COBL: variants seen among roughly 807,000 people sequenced by gnomAD.
COBL encodes the protein cordon-bleu WH2 repeat protein.
Under a neutral mutation model 98.8 loss-of-function variants are expected in COBL, and 51 were observed. That is an observed-to-expected ratio of 0.52 (90% CI 0.41 to 0.65). The LOEUF (loss-of-function observed/expected upper bound fraction) is 0.65, where lower values mean the gene tolerates loss of function less well. Among genes scored for constraint, COBL ranks in the 30% least tolerant of loss-of-function variants. The pLI, the probability that COBL is intolerant of heterozygous loss-of-function variation, is 0.00. For synonymous variants in COBL, 634 were observed against 651.7 expected (o/e 0.97, Z 0.41); for missense variants, 1,617 against 1,617.5 (o/e 1.00, Z 0.01).
At chr7:51,214,968 C>T (rs1015822549) in intron 2 of COBL, among the ~76,000 whole-genome samples, 4 of 152,132 alleles carry the variant, frequency 2.6e-5, no homozygotes, top group African/African-American at 9.7e-5. Context: ...ATATTGAATG[C>T]CCTGCTTCTC....
At chr7:51,133,227 G>A (rs1452748137) in intron 6 of COBL, among the ~76,000 whole-genome samples, 12 of 152,120 alleles carry the variant, frequency 7.9e-5, no homozygotes, top group Non-Finnish European at 1.2e-4. Context: ...CCCAGATGAG[G>A]GTTCCCTGGG....
intron 2 of COBL, among the ~76,000 whole-genome samples, chr7:51,208,539 C>T (rs1404450454): frequency 5.9e-5 from 9 of 152,230 alleles, no homozygotes; most frequent in African/African-American, 1.7e-4. Flanking sequence ...CTCTGCCCGG[C>T]CACCACCCCA....
intron 5 of COBL, among the ~76,000 whole-genome samples, chr7:51,164,950 T>G (rs1787152535): frequency 6.6e-6 from 1 of 152,056 alleles, no homozygotes; most frequent in South Asian, 2.1e-4. Context: ...AAATAGTATT[T>G]GCAAGCCTCA....
intron 1 of COBL, 31 bp from the exon 2 acceptor site, chr7:51,219,975 C>A: frequency 6.3e-7 from 1 of 1,591,396 alleles, no homozygotes; most frequent in South Asian, 1.1e-5. Context: ...GGCACAGAGT[C>A]AGTGGCAATG....
At chr7:51,064,899 G>C in intron 7 of COBL, 1 of 515,496 alleles carries the variant, frequency 1.9e-6, no homozygotes, top group Non-Finnish European at 3.4e-6. Context: ...CCAGGGCCCT[G>C]CTGCCTGGAA....
chr7:51,134,697 G>A (rs369311847), intron 6 of COBL, among the ~76,000 whole-genome samples: 1 of 152,198 alleles, frequency 6.6e-6, no homozygotes, highest in Non-Finnish European at 1.5e-5. Context: ...CCAGGGGCAT[G>A]TAGCTGGGAA....
At chr7:51,056,307 C>T (rs1018945381) in intron 7 of COBL, among the ~76,000 whole-genome samples, 17 of 151,314 alleles carry the variant, frequency 1.1e-4, no homozygotes, top group African/African-American at 3.9e-4. Context: ...CAAATGGGAC[C>T]CCGAGATGCT....
intron 1 of COBL, among the ~76,000 whole-genome samples, chr7:51,237,248 G>A (rs530181749): frequency 1.1e-4 from 17 of 152,014 alleles, no homozygotes; most frequent in Non-Finnish European, 2.4e-4. Flanking sequence ...ACTCACAAGA[G>A]CTGAAAGTTA....
chr7:51,036,850 T>C (rs1409974280), intron 8 of COBL, among the ~76,000 whole-genome samples: 1 of 152,212 alleles, frequency 6.6e-6, no homozygotes, highest in African/African-American at 2.4e-5. Flanking sequence ...TCTCTCTCTT[T>C]TACTTCTCAC....
intron 8 of COBL, chr7:51,036,062 C>T (rs1349101659): frequency 1.3e-5 from 2 of 152,206 alleles, no homozygotes; most frequent in Non-Finnish European, 2.9e-5. Context: ...GGCATAGTAG[C>T]TGGGTGCGGT....
At chr7:51,293,191 C>A (rs759801784) in intron 1 of COBL, among the ~76,000 whole-genome samples, 7 of 152,170 alleles carry the variant, frequency 4.6e-5, no homozygotes, top group Non-Finnish European at 8.8e-5. Context: ...AGCTAAGAAA[C>A]CCTGGCAGTT....
intron 11 of COBL, among the ~76,000 whole-genome samples, chr7:51,025,891 C>A (rs1787504439): frequency 6.6e-6 from 1 of 152,200 alleles, no homozygotes; most frequent in Admixed American, 6.5e-5. Flanking sequence ...GCTCTGTTGG[C>A]AGCCAAGTAA....
At chr7:51,185,677 T>C (rs1789423319) in intron 4 of COBL, among the ~76,000 whole-genome samples, 1 of 152,256 alleles carries the variant, frequency 6.6e-6, no homozygotes, top group Non-Finnish European at 1.5e-5. Context: ...GCAAGAGCTC[T>C]ATACCATTGG....
intron 12 of COBL, among the ~76,000 whole-genome samples, chr7:51,023,358 G>A (rs1787130176): frequency 6.6e-6 from 1 of 152,156 alleles, no homozygotes; most frequent in Non-Finnish European, 1.5e-5. Context: ...CATATCCCTT[G>A]CCATCTGGGT....
chr7:51,258,675 T>G (rs1255691725), intron 1 of COBL, among the ~76,000 whole-genome samples: 3 of 152,212 alleles, frequency 2.0e-5, no homozygotes, highest in Non-Finnish European at 2.9e-5. Context: ...TGAAAAAAAT[T>G]TACTGCAGTG....
At chr7:51,205,204 C>A (rs1235908715) in intron 2 of COBL, among the ~76,000 whole-genome samples, 1 of 152,136 alleles carries the variant, frequency 6.6e-6, no homozygotes, top group African/African-American at 2.4e-5. Flanking sequence ...CTTGAATACT[C>A]AAAGATATCT....
rs1332312778 is a variant in COBL, at chr7:51,065,232, G to A, written c.1096+19934C>T. The A allele has an allele frequency of 5.7e-6, 4 of 703,284 alleles. No homozygotes were observed. The South Asian group carries it at 5.9e-5, about 10-fold the overall frequency. The allele number at this position is 703,284 out of a possible 1,614,324, so 43.6% of individuals were successfully genotyped here. ...TGTGTGCGTGTGTGTGTCTAAGTGT[G>A]CACATGCATTCACAAATGCTTGAAA... On this transcript the variant is annotated intron_variant, in intron 7 of 12. Transcript: ENST00000265136.
intron 5 of COBL, among the ~76,000 whole-genome samples, chr7:51,160,538 G>A (rs1277319976): frequency 6.6e-6 from 1 of 152,352 alleles, no homozygotes; most frequent in East Asian, 1.9e-4. Flanking sequence ...ATGAGCAACA[G>A]GGCCGAGCCA....
chr7:51,172,934 G>A (rs918359272), intron 5 of COBL, among the ~76,000 whole-genome samples: 9 of 151,290 alleles, frequency 5.9e-5, no homozygotes, highest in African/African-American at 1.9e-4. Context: ...GATTACAAGT[G>A]TGTATCACCA....
Sources: allele counts gnomAD v4.1 joint callset (sites outside exome capture counted in the v4.1 genomes callset), GRCh38; gene constraint gnomAD v4.1.1; transcripts MANE v1.5; gene names NCBI Gene and HGNC (gene_info 2026-07-23, HGNC 2026-07-21).